The following RBFOX1 variants were observed in gnomAD, a reference collection of about 807,000 sequenced individuals.
RBFOX1 encodes the protein RNA binding protein fox-1 homolog 1.
Under a neutral mutation model 57.7 loss-of-function variants are expected in RBFOX1, and 8 were observed. The observed-to-expected ratio is 0.14, with a 90% CI of 0.08 to 0.25. RBFOX1 has a LOEUF of 0.25. RBFOX1 is among the 10% of genes least tolerant of loss of function. The pLI is 1.00. For missense variants in RBFOX1, 611 were observed against 548.5 expected (o/e 1.11, Z -1.14); for synonymous variants, 326 against 222.4 (o/e 1.47, Z -4.15).
At chr16:7,429,562 C>A (rs1456083719) in intron 4 of RBFOX1, among the ~76,000 whole-genome samples, 2 of 152,166 alleles carry the variant, frequency 1.3e-5, no homozygotes, top group East Asian at 3.9e-4. Context: ...CCTATTTTGT[C>A]CTCTCATACA....
At chr16:7,489,025 A>T (rs921404814) in intron 4 of RBFOX1, among the ~76,000 whole-genome samples, 1 of 152,128 alleles carries the variant, frequency 6.6e-6, no homozygotes, top group African/African-American at 2.4e-5. Flanking sequence ...CTACCTATGC[A>T]TCTATCTCTA....
At position 6,249,841 on chromosome 16, in the gene RBFOX1, T is replaced by A. The variant is rs1043226209; in HGVS notation, c.-126-67154T>A. Among the ~76,000 whole-genome samples, 3 of 151,386 alleles carry A rather than the reference T, an allele frequency of 2.0e-5. No individual in the cohort carries two copies. The South Asian group carries it at 6.3e-4, about 32-fold the overall frequency. On this transcript the variant is annotated intron_variant, in intron 1 of 15. Transcript: ENST00000550418. Reference sequence around the variant, plus strand: ...GCACAATGTGCAGGTTAGTTACATATGTATACATGTGCCATGTTGGTGTGC... The same window carrying A: ...GCACAATGTGCAGGTTAGTTACATAAGTATACATGTGCCATGTTGGTGTGC...
intron 4 of RBFOX1, among the ~76,000 whole-genome samples, chr16:7,479,767 G>A (rs1267905631): frequency 6.6e-6 from 1 of 152,182 alleles, no homozygotes; most frequent in Non-Finnish European, 1.5e-5. Context: ...TGTGATAGTG[G>A]CATCAGCTCC....
At chr16:6,573,114 T>G (rs2097368520) in intron 2 of RBFOX1, among the ~76,000 whole-genome samples, 1 of 152,196 alleles carries the variant, frequency 6.6e-6, no homozygotes, top group Non-Finnish European at 1.5e-5. Flanking sequence ...CCATGGGCAC[T>G]GCAGATTTTT....
intron 14 of RBFOX1, among the ~76,000 whole-genome samples, chr16:7,688,342 G>A (rs1374878850): frequency 6.6e-6 from 1 of 151,824 alleles, no homozygotes; most frequent in African/African-American, 2.4e-5. Context: ...TATCGATCCT[G>A]AGATATATTT....
At chr16:5,809,563 C>T (rs1250086545) in intron 3 of RBFOX1, among the ~76,000 whole-genome samples, 2 of 152,144 alleles carry the variant, frequency 1.3e-5, no homozygotes, top group African/African-American at 2.4e-5. Context: ...GCCAAAAAAA[C>T]ACATGAAAAA....
At chr16:6,814,169 T>G (rs2089488661) in intron 3 of RBFOX1, among the ~76,000 whole-genome samples, 1 of 151,142 alleles carries the variant, frequency 6.6e-6, no homozygotes, top group Admixed American at 6.7e-5. Context: ...AAGCCAATAT[T>G]CTGAGATCTC....
At chr16:6,747,157 C>A (rs930990746) in intron 3 of RBFOX1, among the ~76,000 whole-genome samples, 5 of 152,148 alleles carry the variant, frequency 3.3e-5, no homozygotes, top group Non-Finnish European at 5.9e-5. Flanking sequence ...CGCCTATAAT[C>A]CCAACACTTT....
At chr16:7,567,087 A>G (rs982891677) in intron 5 of RBFOX1, among the ~76,000 whole-genome samples, 4 of 150,946 alleles carry the variant, frequency 2.6e-5, no homozygotes, top group South Asian at 2.1e-4. Flanking sequence ...CTGGATATAT[A>G]TATATCTCCC....
chr16:6,202,990 G>A (rs2097225395), intron 1 of RBFOX1, among the ~76,000 whole-genome samples: 1 of 151,828 alleles, frequency 6.6e-6, no homozygotes, highest in Non-Finnish European at 1.5e-5. Context: ...TGCCAAGGCT[G>A]GTCTTGAAAT....
intron 3 of RBFOX1, among the ~76,000 whole-genome samples, chr16:5,715,337 C>T (rs1378902904): frequency 2.6e-5 from 4 of 152,168 alleles, no homozygotes; most frequent in Non-Finnish European, 5.9e-5. Flanking sequence ...CTAATATGTT[C>T]CCTGCCATAA....
Position 7,140,078 on chromosome 16 carries a change from C to G in RBFOX1, c.27+87980C>G, listed in dbSNP as rs138573698. ...TTAGCCAAAGAATGGTAGGCTCTGT[C>G]TAGGTATTTATGGACTGTTCTCTCT... On this transcript the variant is annotated intron_variant, in intron 4 of 15. Coordinates refer to ENST00000550418, the MANE Select transcript of RBFOX1 (RefSeq NM_018723.4). 4.3e-3 allele frequency among the ~76,000 whole-genome samples: 651 copies of G among 151,528 alleles called. 6 individuals carry two copies. Among genetic ancestry groups the G allele is most frequent in the African/African-American group, 0.015 (622 of 41,302 alleles).
At chr16:7,471,520 A>G (rs918506680) in intron 4 of RBFOX1, among the ~76,000 whole-genome samples, 27 of 152,210 alleles carry the variant, frequency 1.8e-4, no homozygotes, top group Admixed American at 1.7e-3. Context: ...GTTGGAGCAC[A>G]TAGTCCAGTT....
intron 2 of RBFOX1, among the ~76,000 whole-genome samples, chr16:5,556,557 C>A (rs143817299): frequency 2.0e-5 from 3 of 152,326 alleles, no homozygotes; most frequent in African/African-American, 7.2e-5. Context: ...TCCAAGACGG[C>A]TGCCTGAAGT....
chr16:5,973,849 A>C (rs1188183912), intron 4 of RBFOX1, among the ~76,000 whole-genome samples: 1 of 152,220 alleles, frequency 6.6e-6, no homozygotes, highest in Admixed American at 6.5e-5. Context: ...GCTTATCCAA[A>C]CTTAGCCGTG....
rs185205158 is a variant in RBFOX1 at position 7,351,681 on chromosome 16, G to C, written c.28-166466G>C. Among the ~76,000 whole-genome samples, 221 of 152,216 alleles carry C rather than the reference G, an allele frequency of 1.5e-3. 1 individual carries two copies. The highest frequency in any genetic ancestry group is 2.2e-3 in the Non-Finnish European group (147 of 68,014). On this transcript the variant is annotated intron_variant, in intron 4 of 15. Coordinates refer to ENST00000550418, the MANE Select transcript of RBFOX1 (RefSeq NM_018723.4). ...TCTCTTTTTTTCGCTTCCTGGGTTT[G>C]CCTTAGAGACACCTGGTACTTTACT... is the stretch of plus-strand genomic sequence containing the variant.
intron 4 of RBFOX1, among the ~76,000 whole-genome samples, chr16:7,463,269 C>T (rs537342213): frequency 1.3e-5 from 2 of 152,250 alleles, no homozygotes; most frequent in East Asian, 3.9e-4. Context: ...TTTGGGAGGC[C>T]ATGGTGTGTG....
intron 3 of RBFOX1, among the ~76,000 whole-genome samples, chr16:6,912,603 T>G (rs12596922): frequency 0.74 from 111,479 of 151,024 alleles, 41,292 homozygotes; most frequent in East Asian, 0.93. Context: ...CTTTCTTTTC[T>G]TGTGTGTGTG....
intron 1 of RBFOX1, among the ~76,000 whole-genome samples, chr16:6,095,946 C>G (rs1301574742): frequency 2.6e-5 from 4 of 152,218 alleles, no homozygotes; most frequent in African/African-American, 9.6e-5. Flanking sequence ...CCCTTTGGAG[C>G]TTGGGCCCAG....
Sources: gnomAD v4.1 joint callset for allele counts (sites outside exome capture counted in the v4.1 genomes callset) on GRCh38, gnomAD v4.1.1 for gene constraint, MANE v1.5 for transcripts, NCBI Gene and HGNC (gene_info 2026-07-23, HGNC 2026-07-21) for gene names.